The following ALDH18A1 variants were observed in gnomAD, a reference collection of about 807,000 sequenced individuals.
ALDH18A1 encodes delta-1-pyrroline-5-carboxylate synthase.
A neutral mutation model predicts 88.8 loss-of-function variants in ALDH18A1; 44 were observed. The ratio of observed to expected loss-of-function variants is 0.50; its 90% CI spans 0.39 to 0.64. The LOEUF is 0.64. ALDH18A1 is among the 30% of genes least tolerant of loss of function. ALDH18A1 has a pLI of 0.00. For missense variants in ALDH18A1, 782 were observed against 1,009.5 expected (o/e 0.77, Z 3.05); for synonymous variants, 331 against 372.1 (o/e 0.89, Z 1.27).
At chr10:95,616,786 C>G in intron 12 of ALDH18A1, 172 bp from the exon 13 acceptor site, 1 of 893,832 alleles carries the variant, frequency 1.1e-6, no homozygotes, top group Admixed American at 2.1e-5. Context: ...GTTTTATCCC[C>G]TACTTTACAG....
chr10:95,613,613 G>C, intron 15 of ALDH18A1, 129 bp downstream of exon 15: 1 of 1,265,366 alleles, frequency 7.9e-7, no homozygotes, highest in Middle Eastern at 2.5e-4. Flanking sequence ...ACTTAGCATG[G>C]AACTTTGTAC....
At chr10:95,613,098 T>C (rs2097838273) in intron 15 of ALDH18A1, among the ~76,000 whole-genome samples, 1 of 152,258 alleles carries the variant, frequency 6.6e-6, no homozygotes, top group Non-Finnish European at 1.5e-5. Context: ...AAGCTTAAAA[T>C]GCATCCATGC....
chr10:95,639,857 T>C (rs949862011), intron 3 of ALDH18A1, among the ~76,000 whole-genome samples: 9 of 152,070 alleles, frequency 5.9e-5, no homozygotes, highest in South Asian at 2.1e-4. Context: ...ATTTTCCCAA[T>C]TGTGTCCTTA....
In ALDH18A1 at chr10:95,610,306, A is replaced by G. The variant is rs1047521252; in HGVS notation, c.2111-14T>C. ...CCGCTGTGTTTTCTGCAGGGTGAAGAAGGAGAAACCAAGTTAGGATGATAC... is the reference window on the plus strand; with the variant it reads ...CCGCTGTGTTTTCTGCAGGGTGAAGGAGGAGAAACCAAGTTAGGATGATAC... On this transcript the variant is annotated splice_polypyrimidine_tract_variant and intron_variant, in intron 16 of 17. Coordinates refer to ENST00000371224, the MANE Select transcript of ALDH18A1 (RefSeq NM_002860.4). 4.3e-6 allele frequency: 7 copies of G among 1,613,018 alleles called. No individual in the cohort carries two copies. The highest frequency in any genetic ancestry group is 3.3e-4 in the Middle Eastern group (2 of 6,076).
intron 5 of ALDH18A1, among the ~76,000 whole-genome samples, chr10:95,636,597 A>C (rs985260198): frequency 1.3e-5 from 2 of 152,194 alleles, no homozygotes; most frequent in Non-Finnish European, 2.9e-5. Flanking sequence ...GGTGCTCAAT[A>C]AATATTTGCT....
intron 17 of ALDH18A1, 115 bp from the exon 18 acceptor site, chr10:95,607,058 C>A (rs1418185639): frequency 2.0e-6 from 2 of 1,019,010 alleles, no homozygotes; most frequent in Non-Finnish European, 3.1e-6. Flanking sequence ...CCTGCTAACT[C>A]CTCATCCATC....
intron 1 of ALDH18A1, among the ~76,000 whole-genome samples, chr10:95,655,301 A>AAG (rs976451509): frequency 1.3e-5 from 2 of 152,194 alleles, no homozygotes; most frequent in Admixed American, 6.5e-5. Context: ...TGAGAATTAA[A>AAG]AGAGAGAATG....
chr10:95,612,726 A>C (rs768191998), intron 15 of ALDH18A1, among the ~76,000 whole-genome samples: 2 of 152,210 alleles, frequency 1.3e-5, no homozygotes, highest in Admixed American at 6.5e-5. Flanking sequence ...GGAGGGATTT[A>C]GTCCTGGCTA....
chr10:95,623,192 T>C (rs1341851831), intron 11 of ALDH18A1, among the ~76,000 whole-genome samples: 1 of 152,230 alleles, frequency 6.6e-6, no homozygotes, highest in Non-Finnish European at 1.5e-5. Context: ...TTATAGTATA[T>C]GTTAAATGTT....
At chr10:95,619,774 T>C (rs188873655) in intron 12 of ALDH18A1, among the ~76,000 whole-genome samples, 2 of 152,142 alleles carry the variant, frequency 1.3e-5, no homozygotes, top group African/African-American at 4.8e-5. Context: ...TTACACCTTA[T>C]ACAAAAATTA....
Position 95,609,306 on chromosome 10 carries a change from C to G in ALDH18A1, c.2206+891G>C, listed in dbSNP as rs963078549. Among the ~76,000 whole-genome samples, 12 of 152,248 alleles carry G rather than the reference C, an allele frequency of 7.9e-5. No homozygotes were observed. The South Asian group carries it at 1.2e-3, about 16-fold the overall frequency. ...CTTCTGAAGCTTTTTATTTCAAGGT[C>G]TGCTGTAGAAGGTAACCTTGTACTT... On this transcript the variant is annotated intron_variant, in intron 17 of 17. Transcript: ENST00000371224.
chr10:95,622,173 A>G (rs1296897597), intron 11 of ALDH18A1, among the ~76,000 whole-genome samples: 1 of 152,208 alleles, frequency 6.6e-6, no homozygotes, highest in African/African-American at 2.4e-5. Context: ...GGGAAGGAGA[A>G]CAGAATTTTA....
chr10:95,634,430 G>T (rs1474224914), intron 5 of ALDH18A1, among the ~76,000 whole-genome samples: 1 of 152,180 alleles, frequency 6.6e-6, no homozygotes, highest in Non-Finnish European at 1.5e-5. Flanking sequence ...CTGTATTCTA[G>T]GATCTGATTC....
intron 10 of ALDH18A1, 125 bp downstream of exon 10, chr10:95,626,578 C>G (rs1455779231): frequency 1.1e-6 from 1 of 902,960 alleles, no homozygotes; most frequent in African/African-American, 1.7e-5. Flanking sequence ...TTGAATCAGA[C>G]TTGTAACTCA....
At chr10:95,622,844 T>G (rs1350380587) in intron 11 of ALDH18A1, among the ~76,000 whole-genome samples, 1 of 152,140 alleles carries the variant, frequency 6.6e-6, no homozygotes, top group East Asian at 1.9e-4. Context: ...GCCCAGAATT[T>G]TTTTAAAAAA....
intron 17 of ALDH18A1, among the ~76,000 whole-genome samples, chr10:95,609,028 A>C (rs954534968): frequency 6.6e-6 from 1 of 152,132 alleles, no homozygotes; most frequent in African/African-American, 2.4e-5. Context: ...GGCAAGTGCC[A>C]CCATGCTCAG....
chr10:95,632,625 A>G (rs936074986), intron 7 of ALDH18A1, among the ~76,000 whole-genome samples: 6 of 152,314 alleles, frequency 3.9e-5, no homozygotes, highest in South Asian at 4.1e-4. Context: ...TGGCCTCCCA[A>G]AGTGTTGGGA....
chr10:95,612,165 C>T (rs984184213), intron 15 of ALDH18A1, among the ~76,000 whole-genome samples: 2 of 152,174 alleles, frequency 1.3e-5, no homozygotes, highest in Admixed American at 6.5e-5. Context: ...TGTACCCTAG[C>T]GAAGTCCCAG....
chr10:95,644,981 G>A (rs2097898791), intron 2 of ALDH18A1, among the ~76,000 whole-genome samples: 1 of 152,212 alleles, frequency 6.6e-6, no homozygotes, highest in Non-Finnish European at 1.5e-5. Context: ...TCAGGAGAAA[G>A]AGAGAAAAAC....
Sources: gnomAD v4.1 joint callset for allele counts (sites outside exome capture counted in the v4.1 genomes callset) on GRCh38, gnomAD v4.1.1 for gene constraint, MANE v1.5 for transcripts, NCBI Gene and HGNC (gene_info 2026-07-23, HGNC 2026-07-21) for gene names.